Variants in CCKBR observed in about 807,000 individuals in gnomAD.
CCKBR encodes cholecystokinin B receptor, also known as gastrin/cholecystokinin type B receptor.
CCKBR carries 33 observed loss-of-function variants against 34.6 expected under a neutral mutation model. That is an observed-to-expected ratio of 0.95 (90% CI 0.72 to 1.27). CCKBR has a LOEUF of 1.27. Ranked by LOEUF, CCKBR falls within the 50% of genes most tolerant of loss-of-function variation. The pLI is 0.00. For missense variants in CCKBR, 652 were observed against 617.4 expected, an observed-to-expected ratio of 1.06 and a Z score of -0.59; for synonymous variants, 269 against 267.5, an observed-to-expected ratio of 1.01 and a Z score of -0.06.
In CCKBR at chr11:6,269,746, G is replaced by T. The variant is rs193258127; in HGVS notation, c.229G>T (p.Val77Leu). The T allele has an allele frequency of 1.3e-5, 21 of 1,614,066 alleles. No individual in the cohort carries two copies. In the East Asian group the frequency reaches 4.2e-4, roughly 33 times the overall value. Residue 77 changes from valine (V) to leucine (L), a missense_variant, in exon 2 of 5, where the codon GTG becomes TTG. Coordinates refer to ENST00000334619, the MANE Select transcript of CCKBR (RefSeq NM_176875.4). Reference protein sequence around the residue: ...MSVGGNMLIIVVLGLSRRLRT... With the variant: ...MSVGGNMLIILVLGLSRRLRT... ...CGTTGGAGGAAATATGCTCATCATCGTGGTCCTGGGACTGAGCCGCCGCCT... is the reference window on the plus strand; with the variant it reads ...CGTTGGAGGAAATATGCTCATCATCTTGGTCCTGGGACTGAGCCGCCGCCT...
intron 1 of CCKBR, chr11:6,264,451 C>G: frequency 3.1e-6 from 2 of 646,270 alleles, no homozygotes; most frequent in South Asian, 1.7e-5. Context: ...TTTTTGCACT[C>G]ATACTTCTCT....
chr11:6,269,251 C>A (rs1001257899), intron 1 of CCKBR, among the ~76,000 whole-genome samples: 2 of 149,936 alleles, frequency 1.3e-5, no homozygotes, highest in Non-Finnish European at 2.9e-5. Context: ...AATACTCTAG[C>A]GGGGTCAAAT....
intron 1 of CCKBR, chr11:6,264,736 C>G (rs1309691827): frequency 7.7e-6 from 4 of 516,780 alleles, no homozygotes; most frequent in Non-Finnish European, 1.4e-5. Context: ...CACACACACA[C>G]ACACACACGC....
At chr11:6,264,991 T>C (rs1416550097) in intron 1 of CCKBR, among the ~76,000 whole-genome samples, 1 of 152,240 alleles carries the variant, frequency 6.6e-6, no homozygotes, top group Non-Finnish European at 1.5e-5. Context: ...TTTTGTGTTG[T>C]ATGGTTCTAT....
rs1327917712 is a variant in CCKBR, at chr11:6,271,237, G to A, written c.1038G>A (p.Trp346Ter). Residue 346 changes from tryptophan to a stop codon, truncating the protein, a stop_gained, in exon 5 of 5, where the codon TGG becomes TGA. Coordinates refer to ENST00000334619, the MANE Select transcript of CCKBR (RefSeq NM_176875.4). LOFTEE classifies it high-confidence loss of function. Reference protein sequence around the residue: ...LVIVVLFFLCWLPVYSANTWR... With the variant: ...LVIVVLFFLC ...TCGTTGTGCTTTTTTTTCTGTGTTG[G>A]TTGCCAGTTTATAGTGCCAACACGT... The A allele has an allele frequency of 6.2e-7, 1 of 1,614,186 alleles. No homozygotes were observed. The highest frequency in any genetic ancestry group is 1.7e-5 in the Admixed American group (1 of 60,032).
intron 3 of CCKBR, 94 bp from the exon 4 acceptor site, chr11:6,270,552 G>T: frequency 6.9e-7 from 1 of 1,448,584 alleles, no homozygotes; most frequent in Non-Finnish European, 9.3e-7. Context: ...TCAGGTACCT[G>T]GCCACAGCCC....
At chr11:6,261,630 A>G (rs1056969196) in intron 1 of CCKBR, among the ~76,000 whole-genome samples, 1 of 151,938 alleles carries the variant, frequency 6.6e-6, no homozygotes, top group Non-Finnish European at 1.5e-5. Context: ...CATAGTTTTG[A>G]GTGACTAGAA....
intron 1 of CCKBR, among the ~76,000 whole-genome samples, chr11:6,260,481 A>C (rs1471738768): frequency 6.6e-6 from 1 of 152,196 alleles, no homozygotes; most frequent in African/African-American, 2.4e-5. Context: ...GAAGAAAGGA[A>C]GGCAGGACTG....
In CCKBR at chr11:6,270,998, C is replaced by G. The variant is rs1376139106; in HGVS notation, c.812-13C>G. ...CTCGCCTTTTTCTCTGACCGCCCACCCTTTGTGCTCAGGGGCTGTTCACCA... is the reference window on the plus strand; with the variant it reads ...CTCGCCTTTTTCTCTGACCGCCCACGCTTTGTGCTCAGGGGCTGTTCACCA... On this transcript the variant is annotated splice_polypyrimidine_tract_variant and intron_variant, in intron 4 of 4. Transcript: ENST00000334619. 6.2e-7 allele frequency: 1 copy of G among 1,613,804 alleles called. No homozygotes were observed. Among genetic ancestry groups the G allele is most frequent in the Non-Finnish European group, 8.5e-7 (1 of 1,179,844 alleles).
At position 6,271,260 on chromosome 11, in the gene CCKBR, C is replaced by G. The variant is rs918426340; in HGVS notation, c.1061C>G (p.Thr354Arg). ...TGGTTGCCAGTTTATAGTGCCAACA[C>G]GTGGCGCGCCTTTGATGGCCCGGGT... Reference protein sequence around the residue: ...LCWLPVYSANTWRAFDGPGAH... With the variant: ...LCWLPVYSANRWRAFDGPGAH... The change falls in exon 5 of 5, where the codon ACG (threonine) becomes AGG (arginine). Residue 354 changes from threonine to arginine, a missense_variant. Thr to Arg is a moderately conservative substitution (Grantham distance 71). Transcript: ENST00000334619. The G allele has an allele frequency of 1.2e-6, 2 of 1,614,216 alleles. No homozygotes were observed. The highest frequency in any genetic ancestry group is 1.7e-6 in the Non-Finnish European group (2 of 1,180,036).
In CCKBR at chr11:6,270,090, G is replaced by T. The variant is rs1485181507; in HGVS notation, c.406G>T (p.Val136Leu). Residue 136 changes from valine (V) to leucine (L), a missense_variant and splice_region_variant, in exon 3 of 5, where the codon GTG becomes TTG. Val to Leu is a conservative substitution (Grantham distance 32). Coordinates refer to ENST00000334619, the MANE Select transcript of CCKBR (RefSeq NM_176875.4). ...ICKAVSYLMG[V>L]SVSVSTLSLV... ...TTCCTTTCTCTTCCCTTGTTTAGGG[G>T]TGTCTGTGAGTGTGTCCACGCTAAG... 12 of 1,602,784 alleles carry T rather than the reference G, an allele frequency of 7.5e-6. No individual in the cohort carries two copies. The highest frequency in any genetic ancestry group is 1.3e-5 in the African/African-American group (1 of 74,876).
At chr11:6,270,595 T>A in intron 3 of CCKBR, 51 bp from the exon 4 acceptor site, 2 of 1,538,138 alleles carry the variant, frequency 1.3e-6, no homozygotes, top group Non-Finnish European at 1.8e-6. Flanking sequence ...TTTCTCCATC[T>A]GTGATTACAG....
Position 6,271,921 on chromosome 11 carries a change from T to G in CCKBR, c.*378T>G. 5.1e-6 allele frequency: 1 copy of G among 195,810 alleles called. No homozygotes were observed. The highest frequency in any genetic ancestry group is 1.0e-5 in the Non-Finnish European group (1 of 96,754). 12.1% of individuals were successfully genotyped at this position (195,810 alleles called of 1,614,324 possible). A position where few individuals can be genotyped will look rare whatever the true frequency, so the allele number is the denominator to read the frequency against. ...CTATGGAGCCTGGCACAGGACTGAT[T>G]CTGGGATGCTCCTAGTTTGACCTCA... On this transcript the variant is annotated 3_prime_UTR_variant, in exon 5 of 5. Coordinates refer to ENST00000334619, the MANE Select transcript of CCKBR (RefSeq NM_176875.4).
rs1220407751 is a variant in CCKBR, at chr11:6,271,069, C to T, written c.870C>T (p.Ser290=). The change falls in exon 5 of 5, where the codon AGC becomes AGT. Residue 290 remains serine, a synonymous_variant. Coordinates refer to ENST00000334619, the MANE Select transcript of CCKBR (RefSeq NM_176875.4). ...AGACTGGCGCGGTTGGCGAAGACAG[C>T]GATGGCTGCTACGTGCAACTTCCAC... ...RPETGAVGED[S]DGCYVQLPRS... The T allele has an allele frequency of 6.2e-7, 1 of 1,614,158 alleles. No homozygotes were observed. Among genetic ancestry groups the T allele is most frequent in the Admixed American group, 1.7e-5 (1 of 60,034 alleles).
At chr11:6,266,257 C>A (rs919330636) in intron 1 of CCKBR, among the ~76,000 whole-genome samples, 1 of 151,968 alleles carries the variant, frequency 6.6e-6, no homozygotes, top group Non-Finnish European at 1.5e-5. Context: ...TTTGGGAGGC[C>A]AAAGCAGGTG....
In CCKBR at chr11:6,270,795, G is replaced by A; in HGVS notation, c.803G>A (p.Gly268Glu). Reference sequence around the variant, plus strand: ...CAAAGCAGGGTCCGAAACCAAGGCGGGCTGCCAGGTGGGGCTGGACCACGT... The same window carrying A: ...CAAAGCAGGGTCCGAAACCAAGGCGAGCTGCCAGGTGGGGCTGGACCACGT... ...DSQSRVRNQG[G>E]LPGAVHQNGR... The change falls in exon 4 of 5, where the codon GGG (glycine) becomes GAG (glutamate). Residue 268 changes from glycine to glutamate, a missense_variant. Transcript: ENST00000334619. The A allele has an allele frequency of 1.2e-6, 2 of 1,614,190 alleles. No homozygotes were observed. Among genetic ancestry groups the A allele is most frequent in the Non-Finnish European group, 1.7e-6 (2 of 1,180,044 alleles).
chr11:6,267,841 G>T (rs1214791780), intron 1 of CCKBR, among the ~76,000 whole-genome samples: 8 of 152,100 alleles, frequency 5.3e-5, no homozygotes, highest in African/African-American at 1.9e-4. Context: ...ATCTTTTGTT[G>T]TTGTTATTTT....
chr11:6,266,826 TAG>T (rs1485498433), intron 1 of CCKBR, among the ~76,000 whole-genome samples: 16 of 152,326 alleles, frequency 1.1e-4, no homozygotes, highest in Admixed American at 9.8e-4. Context: ...GTAAACATCA[TAG>T]AGTGTTTGTC....
At chr11:6,260,183 C>T (rs1169134867) in intron 1 of CCKBR, 104 bp downstream of exon 1, 2 of 785,476 alleles carry the variant, frequency 2.5e-6, no homozygotes, top group Non-Finnish European at 2.0e-6. Context: ...CAAACGTCCA[C>T]ACCGTGCCTC....
Sources: allele counts gnomAD v4.1 joint callset (sites outside exome capture counted in the v4.1 genomes callset), GRCh38; gene constraint gnomAD v4.1.1; transcripts MANE v1.5; gene names NCBI Gene and HGNC (gene_info 2026-07-23, HGNC 2026-07-21).